SDK1: variants seen among roughly 807,000 people sequenced by gnomAD.
SDK1 encodes protein sidekick-1.
Under a neutral mutation model 245.5 loss-of-function variants are expected in SDK1, and 157 were observed. That is an observed-to-expected ratio of 0.64 (90% CI 0.56 to 0.73). The LOEUF (loss-of-function observed/expected upper bound fraction) is 0.73. Among genes scored for constraint, SDK1 ranks in the 30% least tolerant of loss-of-function variants. The pLI is 0.00. For missense variants in SDK1, 3,583 were observed against 3,002.3 expected (o/e 1.19, Z -4.52); for synonymous variants, 1,647 against 1,278.5 (o/e 1.29, Z -6.15).
chr7:4,181,877 C>T (rs1392101631), intron 35 of SDK1, among the ~76,000 whole-genome samples: 1 of 152,206 alleles, frequency 6.6e-6, no homozygotes, highest in Non-Finnish European at 1.5e-5. Flanking sequence ...CTGTGCAGCC[C>T]CTCCAGTTTA....
chr7:3,606,172 A>G (rs1245405039), intron 1 of SDK1, among the ~76,000 whole-genome samples: 1 of 152,112 alleles, frequency 6.6e-6, no homozygotes. Flanking sequence ...GGAAATGACA[A>G]CTACATCTTT....
chr7:3,317,504 C>G (rs1284282933), intron 1 of SDK1, among the ~76,000 whole-genome samples: 2 of 152,110 alleles, frequency 1.3e-5, no homozygotes, highest in African/African-American at 4.8e-5. Context: ...TGTAGCTTGA[C>G]TTTGTTCTGT....
intron 1 of SDK1, among the ~76,000 whole-genome samples, chr7:3,493,923 A>C (rs1781943355): frequency 6.6e-6 from 1 of 152,260 alleles, no homozygotes; most frequent in South Asian, 2.1e-4. Context: ...CAAGCAGCTC[A>C]CAAGTCATCA....
chr7:3,612,800 T>G (rs905390675), intron 1 of SDK1, among the ~76,000 whole-genome samples: 5 of 152,118 alleles, frequency 3.3e-5, no homozygotes, highest in African/African-American at 4.8e-5. Context: ...GGCATTCTGG[T>G]CCTCCCGGCT....
intron 1 of SDK1, among the ~76,000 whole-genome samples, chr7:3,438,018 G>A (rs888465688): frequency 6.6e-6 from 1 of 152,020 alleles, no homozygotes; most frequent in Non-Finnish European, 1.5e-5. Context: ...TGGGGCAAGT[G>A]GAATTATTCT....
intron 1 of SDK1, among the ~76,000 whole-genome samples, chr7:3,469,070 ATTTATT>A (rs1410622743): frequency 6.6e-6 from 1 of 152,090 alleles, no homozygotes. Context: ...GATTTTATTT[ATTTATT>A]TTTAGAGACC....
chr7:3,423,935 G>C (rs1191970316), intron 1 of SDK1, among the ~76,000 whole-genome samples: 1 of 118,616 alleles, frequency 8.4e-6, no homozygotes, highest in Non-Finnish European at 1.7e-5. Flanking sequence ...TTTTTTTTTT[G>C]AGATGAGTCT....
At chr7:3,535,871 C>A (rs978517571) in intron 1 of SDK1, among the ~76,000 whole-genome samples, 1 of 152,006 alleles carries the variant, frequency 6.6e-6, no homozygotes, top group African/African-American at 2.4e-5. Flanking sequence ...AAATCATTAT[C>A]CAGGCACTAT....
chr7:3,493,984 G>A (rs1188701481), intron 1 of SDK1, among the ~76,000 whole-genome samples: 1 of 152,186 alleles, frequency 6.6e-6, no homozygotes, highest in Admixed American at 6.5e-5. Context: ...ATATGTTCCT[G>A]TATAGACAGT....
At chr7:3,578,720 T>C (rs1278946062) in intron 1 of SDK1, among the ~76,000 whole-genome samples, 1 of 151,886 alleles carries the variant, frequency 6.6e-6, no homozygotes, top group Non-Finnish European at 1.5e-5. Flanking sequence ...TTATAGGCTC[T>C]CTGCAGGAAG....
chr7:3,936,488 G>C (rs549622121), intron 5 of SDK1, among the ~76,000 whole-genome samples: 3 of 151,992 alleles, frequency 2.0e-5, no homozygotes, highest in Non-Finnish European at 4.4e-5. Flanking sequence ...GGGAGGCTGA[G>C]GCAGGAGAAA....
At chr7:3,444,130 G>A (rs966711803) in intron 1 of SDK1, among the ~76,000 whole-genome samples, 1 of 152,090 alleles carries the variant, frequency 6.6e-6, no homozygotes, top group Non-Finnish European at 1.5e-5. Flanking sequence ...TCTTTCCCTG[G>A]AAAGGGCGGG....
At chr7:3,632,461 A>T (rs768394143) in intron 2 of SDK1, among the ~76,000 whole-genome samples, 1 of 152,190 alleles carries the variant, frequency 6.6e-6, no homozygotes, top group Non-Finnish European at 1.5e-5. Context: ...CATCAATAAA[A>T]AGTTATCGAA....
intron 1 of SDK1, among the ~76,000 whole-genome samples, chr7:3,384,976 C>T (rs192004348): frequency 6.6e-6 from 1 of 152,146 alleles, no homozygotes; most frequent in Non-Finnish European, 1.5e-5. Context: ...AAAACCCTGT[C>T]CCCTGGCTTA....
At chr7:3,741,536 T>C (rs1336272983) in intron 4 of SDK1, among the ~76,000 whole-genome samples, 1 of 152,246 alleles carries the variant, frequency 6.6e-6, no homozygotes, top group Non-Finnish European at 1.5e-5. Context: ...TCTTGAATAT[T>C]GGATTCATAT....
intron 1 of SDK1, among the ~76,000 whole-genome samples, chr7:3,365,627 C>G (rs775126096): frequency 6.6e-6 from 1 of 152,118 alleles, no homozygotes; most frequent in Non-Finnish European, 1.5e-5. Context: ...AAAATTAAAA[C>G]TATTGAATAA....
intron 1 of SDK1, among the ~76,000 whole-genome samples, chr7:3,372,409 A>T (rs749821983): frequency 3.1e-4 from 47 of 152,316 alleles, no homozygotes; most frequent in Admixed American, 3.1e-3. Context: ...TAAATATGAT[A>T]TGAAAAGCAC....
chr7:4,066,728 G>A (rs1244887448), intron 19 of SDK1, among the ~76,000 whole-genome samples: 1 of 152,198 alleles, frequency 6.6e-6, no homozygotes, highest in Non-Finnish European at 1.5e-5. Flanking sequence ...GGGTGAGCTG[G>A]TGCAAGAGAT....
At chr7:3,711,886 C>A (rs532450449) in intron 4 of SDK1, among the ~76,000 whole-genome samples, 60 of 152,260 alleles carry the variant, frequency 3.9e-4, no homozygotes, top group African/African-American at 1.3e-3. Context: ...TGGTAGACTT[C>A]CAGGGGAAAC....
Sources: allele counts gnomAD v4.1 joint callset (sites outside exome capture counted in the v4.1 genomes callset), GRCh38; gene constraint gnomAD v4.1.1; transcripts MANE v1.5; gene names NCBI Gene and HGNC (gene_info 2026-07-23, HGNC 2026-07-21).